Variants in GPHN observed in about 807,000 individuals in gnomAD.
The protein encoded by GPHN is gephyrin.
Under a neutral mutation model 95.5 loss-of-function variants are expected in GPHN, and 17 were observed. The ratio of observed to expected loss-of-function variants is 0.18; its 90% confidence interval spans 0.12 to 0.27. The LOEUF is 0.27. GPHN is among the 10% of genes least tolerant of loss of function. The pLI is 1.00. For missense variants in GPHN, 660 were observed against 978.1 expected (o/e 0.67, Z 4.34); for synonymous variants, 320 against 322.5 (o/e 0.99, Z 0.08).
intron 11 of GPHN, among the ~76,000 whole-genome samples, chr14:67,088,596 T>C (rs922228497): frequency 3.9e-5 from 6 of 152,218 alleles, no homozygotes; most frequent in Non-Finnish European, 7.3e-5. Flanking sequence ...CATTTATCCA[T>C]TTTCCTACGA....
chr14:66,782,602 G>A (rs1351883765), intron 3 of GPHN, among the ~76,000 whole-genome samples: 4 of 152,046 alleles, frequency 2.6e-5, no homozygotes, highest in African/African-American at 7.2e-5. Context: ...GGCGGATCAC[G>A]AGGTCAGGAG....
rs114365750 is a variant in GPHN at position 66,817,064 on chromosome 14, G to A, written c.202-7410G>A. ...ATTTATAAATACATGTAGTATTTCC[G>A]AAAGTTTTCTTAAAAAGGGTATACG... On this transcript the variant is annotated intron_variant, in intron 3 of 22. Transcript: ENST00000478722. Among the ~76,000 whole-genome samples the A allele has an allele frequency of 8.5e-3, 1,299 of 152,046 alleles. 9 individuals are homozygous for A. Among genetic ancestry groups the A allele is most frequent in the African/African-American group, 0.029 (1,212 of 41,498 alleles).
chr14:67,327,645 C>G, the GPHN span, among the ~76,000 whole-genome samples: 13 of 152,068 alleles, frequency 8.5e-5, no homozygotes, highest in Admixed American at 5.2e-4. Flanking sequence ...CCCTCTCCCC[C>G]CACCCCACAA....
chr14:66,550,947 C>T (rs565592690), intron 1 of GPHN: 1 of 152,942 alleles, frequency 6.5e-6, no homozygotes, highest in African/African-American at 2.4e-5. Flanking sequence ...AGCTCCACCT[C>T]CTGGGTTCAC....
intron 2 of GPHN, among the ~76,000 whole-genome samples, chr14:66,704,034 AC>A (rs1438562855): frequency 1.3e-5 from 2 of 152,162 alleles, no homozygotes; most frequent in African/African-American, 4.8e-5. Context: ...CTCTGACAAA[AC>A]AGAGTTTAAA....
intron 10 of GPHN, among the ~76,000 whole-genome samples, chr14:67,042,622 G>A (rs2074768817): frequency 6.6e-6 from 1 of 152,094 alleles, no homozygotes; most frequent in East Asian, 1.9e-4. Flanking sequence ...TGCTGTTTTG[G>A]TTACTCTAGC....
At chr14:67,441,302 C>T in the GPHN span, among the ~76,000 whole-genome samples, 1 of 152,088 alleles carries the variant, frequency 6.6e-6, no homozygotes, top group Admixed American at 6.5e-5. Flanking sequence ...GACATTTGGT[C>T]AGGAATGAAG....
At chr14:67,359,948 C>G in the GPHN span, 4 of 557,916 alleles carry the variant, frequency 7.2e-6, no homozygotes, top group Non-Finnish European at 1.3e-5. Context: ...AACCACCCCT[C>G]AATTCCGGTT....
the GPHN span, chr14:67,615,593 A>G: frequency 6.8e-5 from 37 of 543,982 alleles, no homozygotes; most frequent in East Asian, 9.5e-4. Context: ...GCTTCAGTCA[A>G]CTTCTCAGAG....
chr14:66,685,349 T>C (rs1396876109), intron 2 of GPHN, among the ~76,000 whole-genome samples: 1 of 152,216 alleles, frequency 6.6e-6, no homozygotes, highest in Non-Finnish European at 1.5e-5. Context: ...ACAGTTGAAC[T>C]AGTTTACAGT....
intron 1 of GPHN, among the ~76,000 whole-genome samples, chr14:66,609,793 G>A (rs8018444): frequency 0.31 from 47,187 of 151,922 alleles, 11,173 homozygotes; most frequent in African/African-American, 0.64. Flanking sequence ...GTTCAGTTCG[G>A]TTCTTTTTAA....
the GPHN span, among the ~76,000 whole-genome samples, chr14:67,707,378 C>T: frequency 1.3e-5 from 2 of 152,088 alleles, no homozygotes; most frequent in Non-Finnish European, 2.9e-5. Context: ...TATGGTAGGA[C>T]TTGTTTGCTT....
intron 9 of GPHN, among the ~76,000 whole-genome samples, chr14:67,022,149 A>G (rs1481272534): frequency 6.6e-6 from 1 of 152,058 alleles, no homozygotes; most frequent in East Asian, 1.9e-4. Context: ...TTCATTCCAT[A>G]GTATAGCAAC....
At chr14:67,198,176 C>T in the GPHN span, 1 of 1,612,442 alleles carries the variant, frequency 6.2e-7, no homozygotes, top group Non-Finnish European at 8.5e-7. Flanking sequence ...AGAAGAACAC[C>T]AGCAAGACTA....
chr14:67,732,958 C>T, the GPHN span, among the ~76,000 whole-genome samples: 1 of 151,786 alleles, frequency 6.6e-6, no homozygotes. Context: ...AAAAAAGGAA[C>T]ATTAAAAACA....
chr14:66,916,102 T>G (rs1180440852), intron 6 of GPHN, 33 bp downstream of exon 6: 1 of 1,394,678 alleles, frequency 7.2e-7, no homozygotes, highest in Non-Finnish European at 1.0e-6. Flanking sequence ...TGGTTTAGTG[T>G]AAGAGCTTTT....
chr14:67,171,818 C>T (rs2082616661), intron 21 of GPHN, among the ~76,000 whole-genome samples: 1 of 152,092 alleles, frequency 6.6e-6, no homozygotes, highest in Non-Finnish European at 1.5e-5. Flanking sequence ...AGGCCTCCAC[C>T]ATCGCATCCC....
chr14:66,723,092 G>A (rs888270169), intron 2 of GPHN, among the ~76,000 whole-genome samples: 1 of 151,836 alleles, frequency 6.6e-6, no homozygotes, highest in Non-Finnish European at 1.5e-5. Flanking sequence ...TCACTCTGTC[G>A]CCCAGGCTTG....
intron 1 of GPHN, among the ~76,000 whole-genome samples, chr14:66,529,982 G>T (rs2139927260): frequency 6.6e-6 from 1 of 152,278 alleles, no homozygotes; most frequent in Non-Finnish European, 1.5e-5. Flanking sequence ...ACTGTGCTGG[G>T]GGATCTGCTC....
Sources: gnomAD v4.1 joint callset for allele counts (sites outside exome capture counted in the v4.1 genomes callset) on GRCh38, gnomAD v4.1.1 for gene constraint, MANE v1.5 for transcripts, NCBI Gene and HGNC (gene_info 2026-07-23, HGNC 2026-07-21) for gene names.